The following SPIRE1 variants were observed in gnomAD, a reference collection of about 807,000 sequenced individuals.
SPIRE1 encodes the protein protein spire homolog 1.
Under a neutral mutation model 94.1 loss-of-function variants are expected in SPIRE1, and 40 were observed. The ratio of observed to expected loss-of-function variants is 0.43; its 90% confidence interval spans 0.33 to 0.55. The LOEUF (loss-of-function observed/expected upper bound fraction) is 0.55. Among genes scored for constraint, SPIRE1 ranks in the 20% least tolerant of loss-of-function variants. SPIRE1 has a pLI of 0.06. For missense variants in SPIRE1, 838 were observed against 975.2 expected (o/e 0.86, Z 1.87); for synonymous variants, 376 against 371.7 (o/e 1.01, Z -0.13).
At chr18:12,501,072 C>CAAAAAAAAAAAAAAAAAAAAAAA (rs67894900) in intron 6 of SPIRE1, among the ~76,000 whole-genome samples, 1 of 80,226 alleles carries the variant, frequency 1.2e-5, no homozygotes, top group Non-Finnish European at 2.3e-5. Context: ...AACTCTGTCT[C>CAAAAAAAAAAAAAAAAAAAAAAA]AAAAAAAAAA....
At chr18:12,583,868 A>G (rs551370492) in intron 2 of SPIRE1, among the ~76,000 whole-genome samples, 13 of 152,238 alleles carry the variant, frequency 8.5e-5, no homozygotes, top group African/African-American at 3.1e-4. Flanking sequence ...TAGAAGCTGC[A>G]GTAAGTCATG....
At chr18:12,544,493 C>A in intron 3 of SPIRE1, among the ~76,000 whole-genome samples, 1 of 151,460 alleles carries the variant, frequency 6.6e-6, no homozygotes, top group South Asian at 2.1e-4. Flanking sequence ...CATCAGCTAT[C>A]GCGCCCAGTC....
rs1458525874 is a variant in SPIRE1 at position 12,452,491 on chromosome 18, G to A, written c.1869C>T (p.Cys623=). 8 of 1,613,832 alleles carry A rather than the reference G, an allele frequency of 5.0e-6. No homozygotes were observed. Among genetic ancestry groups the A allele is most frequent in the Non-Finnish European group, 6.8e-6 (8 of 1,180,006 alleles). ...TGAACCAAGCTTAGCTTACCTTTTTGCAACACTGTGAGCACACCGGCCTGT... is the reference window on the plus strand; with the variant it reads ...TGAACCAAGCTTAGCTTACCTTTTTACAACACTGTGAGCACACCGGCCTGT... ...FCKRPVCSQC[C]KKMRLPSKPY... is the part of the protein sequence containing the mutation. Residue 623 remains cysteine (C), a synonymous_variant, in exon 15 of 17, where the codon TGC becomes TGT. Transcript: ENST00000409402.
chr18:12,613,717 T>G (rs191500791), intron 2 of SPIRE1, among the ~76,000 whole-genome samples: 11 of 144,524 alleles, frequency 7.6e-5, no homozygotes, highest in African/African-American at 2.8e-4. Context: ...ATGGCCAACA[T>G]GGTGAAAGGC....
chr18:12,640,862 T>C (rs964798809), intron 1 of SPIRE1, among the ~76,000 whole-genome samples: 8 of 151,940 alleles, frequency 5.3e-5, no homozygotes, highest in African/African-American at 1.9e-4. Flanking sequence ...AGATTTGACT[T>C]TAAGGAAAAT....
chr18:12,488,599 T>TA (rs1011372752), intron 8 of SPIRE1, among the ~76,000 whole-genome samples: 15 of 151,166 alleles, frequency 9.9e-5, no homozygotes, highest in Middle Eastern at 3.4e-3. Context: ...AGCTCAATAT[T>TA]AAAAAAAAAT....
At chr18:12,527,596 C>T (rs977269565) in intron 4 of SPIRE1, among the ~76,000 whole-genome samples, 2 of 152,114 alleles carry the variant, frequency 1.3e-5, no homozygotes, top group African/African-American at 4.8e-5. Flanking sequence ...TCAATTTCAA[C>T]CCCCAGCCCT....
At chr18:12,594,762 A>G (rs1216520279) in intron 2 of SPIRE1, among the ~76,000 whole-genome samples, 2 of 152,168 alleles carry the variant, frequency 1.3e-5, no homozygotes, top group Non-Finnish European at 2.9e-5. Flanking sequence ...TTTTCAATAA[A>G]AATTACTCTT....
chr18:12,616,925 T>C (rs1453023469), intron 2 of SPIRE1, among the ~76,000 whole-genome samples: 2 of 152,104 alleles, frequency 1.3e-5, no homozygotes, highest in African/African-American at 4.8e-5. Context: ...AGTGGTGCAA[T>C]CTCGGCTCAC....
intron 1 of SPIRE1, among the ~76,000 whole-genome samples, chr18:12,648,301 T>C (rs890129968): frequency 1.3e-5 from 2 of 152,174 alleles, no homozygotes; most frequent in African/African-American, 4.8e-5. Flanking sequence ...CAACACTGTC[T>C]TAATCAAGTG....
chr18:12,557,694 C>A (rs1188100087), intron 2 of SPIRE1, among the ~76,000 whole-genome samples: 4 of 148,042 alleles, frequency 2.7e-5, no homozygotes, highest in Non-Finnish European at 4.5e-5. Flanking sequence ...CACATTGTCA[C>A]CTCTCACTAC....
chr18:12,507,124 G>A (rs140123555), intron 5 of SPIRE1, among the ~76,000 whole-genome samples: 14 of 152,282 alleles, frequency 9.2e-5, no homozygotes, highest in African/African-American at 2.9e-4. Context: ...CTGTGGTCCC[G>A]GGATAAAGAT....
chr18:12,519,614 A>G (rs1249662485), intron 4 of SPIRE1, among the ~76,000 whole-genome samples: 1 of 152,250 alleles, frequency 6.6e-6, no homozygotes, highest in East Asian at 1.9e-4. Context: ...TTTTCTTAAT[A>G]AATAAAGACA....
intron 2 of SPIRE1, among the ~76,000 whole-genome samples, chr18:12,627,153 C>A (rs1415689145): frequency 3.3e-5 from 5 of 151,848 alleles, no homozygotes; most frequent in African/African-American, 1.2e-4. Context: ...ATACATGTGC[C>A]ATGTTGGTTT....
At chr18:12,520,297 A>C (rs1301958879) in intron 4 of SPIRE1, among the ~76,000 whole-genome samples, 2 of 152,310 alleles carry the variant, frequency 1.3e-5, no homozygotes, top group Non-Finnish European at 2.9e-5. Flanking sequence ...AGTAGACAAA[A>C]ATAGAAGGGT....
At chr18:12,616,710 A>G (rs1056418109) in intron 2 of SPIRE1, among the ~76,000 whole-genome samples, 1 of 152,252 alleles carries the variant, frequency 6.6e-6, no homozygotes, top group Non-Finnish European at 1.5e-5. Flanking sequence ...CATAAATTAC[A>G]GGAAGAAGAG....
In SPIRE1 at chr18:12,449,599, G is replaced by A. The variant is rs755818240; in HGVS notation, c.*39C>T. On this transcript the variant is annotated 3_prime_UTR_variant, in exon 17 of 17. Transcript: ENST00000409402. ...CGGCTCAGTGTCCTCGCGCACGGAC[G>A]CTGACTCGTAGCACAAAAGCAGCTG... is the stretch of plus-strand genomic sequence containing the variant. 3 of 1,597,190 alleles carry A rather than the reference G, an allele frequency of 1.9e-6. No homozygotes were observed. Among genetic ancestry groups the A allele is most frequent in the Admixed American group, 1.7e-5 (1 of 58,594 alleles).
intron 2 of SPIRE1, among the ~76,000 whole-genome samples, chr18:12,614,686 C>T (rs748375680): frequency 1.3e-4 from 19 of 151,738 alleles, no homozygotes; most frequent in African/African-American, 3.4e-4. Flanking sequence ...GGCACGGTCA[C>T]GGGCGCCTGT....
intron 12 of SPIRE1, among the ~76,000 whole-genome samples, chr18:12,461,532 T>C (rs4998300): frequency 4.6e-4 from 47 of 102,720 alleles, no homozygotes; most frequent in Middle Eastern, 6.7e-3. Flanking sequence ...GTGTGGTATG[T>C]ACGTACATAT....
Sources: gnomAD v4.1 joint callset for allele counts (sites outside exome capture counted in the v4.1 genomes callset) on GRCh38, gnomAD v4.1.1 for gene constraint, MANE v1.5 for transcripts, NCBI Gene and HGNC (gene_info 2026-07-23, HGNC 2026-07-21) for gene names.